Variants in KCNT1 observed in about 807,000 individuals in gnomAD.
KCNT1 encodes the protein potassium channel subfamily T member 1.
Under a neutral mutation model 147.8 loss-of-function variants are expected in KCNT1, and 78 were observed. The observed-to-expected ratio is 0.53, with a 90% CI of 0.44 to 0.64. The LOEUF is 0.64. Ranked by LOEUF, KCNT1 falls within the 30% of genes least tolerant of loss-of-function variation. The probability of loss-of-function intolerance (pLI) is 0.00; values close to 1 mark genes in which losing one functional copy is unlikely to be tolerated. For synonymous variants in KCNT1, 867 were observed against 748.8 expected (o/e 1.16, Z -2.58); for missense variants, 1,419 against 1,750.3 (o/e 0.81, Z 3.38).
chr9:135,765,899 C>T (rs1225746152), intron 13 of KCNT1, 139 bp downstream of exon 13: 21 of 836,034 alleles, frequency 2.5e-5, no homozygotes, highest in South Asian at 1.7e-4. Flanking sequence ...CAGGGTGGAC[C>T]ATCTAGGTGG....
intron 4 of KCNT1, 130 bp from the exon 5 acceptor site, chr9:135,753,807 G>A: frequency 1.2e-6 from 1 of 863,952 alleles, no homozygotes; most frequent in Non-Finnish European, 1.9e-6. Flanking sequence ...GAGCTCTGAT[G>A]TGGGGGTTAG....
chr9:135,717,050 G>A (rs1169389703), intron 2 of KCNT1, among the ~76,000 whole-genome samples: 1 of 151,536 alleles, frequency 6.6e-6, no homozygotes, highest in East Asian at 1.9e-4. Context: ...TGTGGTGTTG[G>A]TGTCTATAGG....
intron 25 of KCNT1, 151 bp downstream of exon 25, chr9:135,784,276 C>T (rs1833844113): frequency 1.4e-6 from 1 of 709,982 alleles, no homozygotes; most frequent in African/African-American, 1.8e-5. Flanking sequence ...CCTGTCCTTG[C>T]CCCAGGGATT....
Position 135,714,767 on chromosome 9 carries a change from CG to C in KCNT1, c.254+48del. Reference sequence around the variant, plus strand: ...GGGGCTGGGGTCGCCGTCCCGGCGCCGCCGCACGCCCGGAGCTGTCCGCGGT... The same window carrying C: ...GGGGCTGGGGTCGCCGTCCCGGCGCCCCGCACGCCCGGAGCTGTCCGCGGT... On this transcript the variant is annotated intron_variant, in intron 2 of 30. Transcript: ENST00000371757. This position sits in a 1 kb window ranked among gnomAD's most constrained non-coding sequence, Gnocchi z 6.2. 1 of 1,183,868 alleles carries C rather than the reference CG, an allele frequency of 8.4e-7. No individual in the cohort carries two copies. The highest frequency in any genetic ancestry group is 2.6e-5 in the South Asian group (1 of 37,826). 73.3% of individuals were successfully genotyped at this position (1,183,868 alleles called of 1,614,324 possible).
chr9:135,704,364 C>T (rs1226131523), intron 1 of KCNT1, among the ~76,000 whole-genome samples: 3 of 152,238 alleles, frequency 2.0e-5, no homozygotes, highest in Non-Finnish European at 2.9e-5. Flanking sequence ...CAGCTCCACG[C>T]TAGTGGTGTC....
chr9:135,743,642 C>T (rs1335495702), intron 2 of KCNT1, among the ~76,000 whole-genome samples: 1 of 152,224 alleles, frequency 6.6e-6, no homozygotes, highest in African/African-American at 2.4e-5. Flanking sequence ...TGGCCCCACC[C>T]CAGGCTCCCG....
chr9:135,751,750 C>T (rs1016651494), intron 4 of KCNT1, among the ~76,000 whole-genome samples: 7 of 152,202 alleles, frequency 4.6e-5, no homozygotes, highest in African/African-American at 1.7e-4. Flanking sequence ...CTGCGGCCCT[C>T]GGTGCCGGCC....
chr9:135,731,466 A>G (rs937305440), intron 2 of KCNT1, among the ~76,000 whole-genome samples: 1 of 148,202 alleles, frequency 6.7e-6, no homozygotes, highest in Non-Finnish European at 1.5e-5. Context: ...CCCGCTGCCC[A>G]CCCACCCTTT....
intron 11 of KCNT1, among the ~76,000 whole-genome samples, chr9:135,761,838 G>A (rs1166667003): frequency 6.6e-6 from 1 of 152,188 alleles, no homozygotes; most frequent in Admixed American, 6.5e-5. Flanking sequence ...TCCCCTGTGG[G>A]CCCACGGCCC....
At chr9:135,765,787 G>A in intron 13 of KCNT1, 27 bp downstream of exon 13, 1 of 1,567,012 alleles carries the variant, frequency 6.4e-7, no homozygotes, top group Non-Finnish European at 8.7e-7. Flanking sequence ...GGAGGGGGTG[G>A]CATGGGGGCA....
chr9:135,764,686 G>A (rs757081082), intron 11 of KCNT1, among the ~76,000 whole-genome samples: 11 of 152,104 alleles, frequency 7.2e-5, no homozygotes, highest in East Asian at 3.9e-4. Context: ...CTGGAAGACC[G>A]GGGTCTGAGG....
At position 135,752,201 on chromosome 9, in the gene KCNT1, G is replaced by T. The variant is rs78275379; in HGVS notation, c.434+1160G>T. On this transcript the variant is annotated intron_variant, in intron 4 of 30. Coordinates refer to ENST00000371757, the MANE Select transcript of KCNT1 (RefSeq NM_020822.3). The surrounding 1 kb of genome is among the most constrained non-coding windows in gnomAD (Gnocchi z 5.1). ...TCCCCCCTCTGGCTGCGCAGAGCAG[G>T]TTCTTCCCTGGAGAGAAGGCCTGAC... The T allele has an allele frequency of 2.2e-5, 8 of 367,884 alleles. No individual in the cohort carries two copies. The East Asian group carries it at 5.1e-4, about 24-fold the overall frequency. The allele number at this position is 367,884 out of a possible 1,614,324, so 22.8% of individuals were successfully genotyped here.
At chr9:135,751,441 C>G (rs79192845) in intron 4 of KCNT1, among the ~76,000 whole-genome samples, 7,133 of 152,142 alleles carry the variant, frequency 0.047, 457 homozygotes, top group East Asian at 0.31. Flanking sequence ...CTGGGGGTGT[C>G]TTCTACCCCT....
chr9:135,788,299 C>CGGCCCTGTT, intron 29 of KCNT1: 1 of 772,938 alleles, frequency 1.3e-6, no homozygotes, highest in Non-Finnish European at 2.2e-6. Flanking sequence ...TCAGCCCAGG[C>CGGCCCTGTT]GGCCCTGTTG....
At chr9:135,765,793 G>T (rs551414224) in intron 13 of KCNT1, 33 bp downstream of exon 13, 2 of 1,543,256 alleles carry the variant, frequency 1.3e-6, no homozygotes, top group South Asian at 1.2e-5. Context: ...GGTGGCATGG[G>T]GGCACCTTCC....
intron 18 of KCNT1, among the ~76,000 whole-genome samples, chr9:135,771,770 C>T (rs941765270): frequency 1.3e-5 from 2 of 152,002 alleles, no homozygotes; most frequent in African/African-American, 4.8e-5. Flanking sequence ...GGTGTTGCCC[C>T]CTCCCCAGCC....
chr9:135,778,808 G>A lies in KCNT1; in HGVS notation c.2715G>A (p.Val905=), dbSNP rs771377696. Residue 905 remains valine, a synonymous_variant, in exon 23 of 31, where the codon GTG becomes GTA. Transcript: ENST00000371757. ...YMADAKTIVN[V]QTMFRLFPSL... The stretch of plus-strand genomic sequence containing the variant: ...CGGACGCCAAGACCATCGTCAACGT[G>A]CAGACCATGTTCCGGTGCGTCCAGT... 6.2e-7 allele frequency: 1 copy of A among 1,613,782 alleles called. No individual in the cohort carries two copies. Among genetic ancestry groups the A allele is most frequent in the Non-Finnish European group, 8.5e-7 (1 of 1,179,892 alleles).
intron 11 of KCNT1, 111 bp downstream of exon 11, chr9:135,759,970 AGGGGACAGT>A (rs1831805077): frequency 9.4e-7 from 1 of 1,064,244 alleles, no homozygotes. Flanking sequence ...CACTCCCAGG[AGGGGACAGT>A]GAGGCCAGGC....
intron 2 of KCNT1, among the ~76,000 whole-genome samples, chr9:135,737,546 A>G (rs917758305): frequency 4.6e-5 from 7 of 152,232 alleles, no homozygotes; most frequent in African/African-American, 1.7e-4. Flanking sequence ...TGTTCCTGGG[A>G]GAGAGAGGTG....
Sources: allele counts gnomAD v4.1 joint callset (sites outside exome capture counted in the v4.1 genomes callset), GRCh38; gene constraint gnomAD v4.1.1; non-coding constraint Gnocchi (gnomAD v3.1); transcripts MANE v1.5; gene names NCBI Gene and HGNC (gene_info 2026-07-23, HGNC 2026-07-21).